SLC39A14: variants seen among roughly 807,000 people sequenced by gnomAD.
SLC39A14 encodes metal cation symporter ZIP14.
Under a neutral mutation model 45.5 loss-of-function variants are expected in SLC39A14, and 19 were observed. That is an observed-to-expected ratio of 0.42 (90% CI 0.29 to 0.61). The LOEUF is 0.61. Among genes scored for constraint, SLC39A14 ranks in the 20% least tolerant of loss-of-function variants. The probability of loss-of-function intolerance (pLI) is 0.22; values close to 1 mark genes in which losing one functional copy is unlikely to be tolerated. For missense variants in SLC39A14, 447 were observed against 616.5 expected, an observed-to-expected ratio of 0.73 and a Z score of 2.91; for synonymous variants, 264 against 251.3, an observed-to-expected ratio of 1.05 and a Z score of -0.48.
Position 22,389,426 on chromosome 8 carries a change from G to A in SLC39A14, c.-15-15270G>A, listed in dbSNP as rs116889403. Among the ~76,000 whole-genome samples, 1,293 of 151,874 alleles carry A rather than the reference G, an allele frequency of 8.5e-3. 9 individuals are homozygous for A. Among genetic ancestry groups the A allele is most frequent in the Middle Eastern group, 0.027 (8 of 292 alleles). On this transcript the variant is annotated intron_variant, in intron 1 of 8. Transcript: ENST00000381237. ...GAGCGGGCTTGAGGGCTAGGAGATCGCGCAGGGGGAGGTAGTGGTACAGGA... is the reference window on the plus strand; with the variant it reads ...GAGCGGGCTTGAGGGCTAGGAGATCACGCAGGGGGAGGTAGTGGTACAGGA...
chr8:22,380,277 A>G (rs1462607559), intron 1 of SLC39A14, among the ~76,000 whole-genome samples: 1 of 152,160 alleles, frequency 6.6e-6, no homozygotes, highest in Non-Finnish European at 1.5e-5. Context: ...GTCCTGTAGG[A>G]TGGGCAGGGG....
chr8:22,395,103 G>A (rs536122049), intron 1 of SLC39A14, among the ~76,000 whole-genome samples: 2 of 151,620 alleles, frequency 1.3e-5, no homozygotes, highest in South Asian at 2.1e-4. Context: ...TTCGCCTCCC[G>A]GGTTCAAGCA....
intron 4 of SLC39A14, 121 bp downstream of exon 4, chr8:22,412,327 A>G (rs942282530): frequency 1.1e-4 from 119 of 1,075,640 alleles, no homozygotes; most frequent in Middle Eastern, 6.2e-4. Flanking sequence ...AAGCGAAGCT[A>G]GAACTTAGGC....
intron 1 of SLC39A14, chr8:22,390,243 T>C (rs1224408707): frequency 6.5e-6 from 1 of 153,050 alleles, no homozygotes; most frequent in Non-Finnish European, 1.5e-5. Context: ...TATCACCTTA[T>C]AGATTCCCTT....
chr8:22,375,948 G>T (rs1390791932), intron 1 of SLC39A14, among the ~76,000 whole-genome samples: 3 of 152,142 alleles, frequency 2.0e-5, no homozygotes, highest in Non-Finnish European at 4.4e-5. Flanking sequence ...ATCAACATTG[G>T]CATAACACTG....
At chr8:22,428,827 T>A (rs971343333) in intron 8 of SLC39A14, among the ~76,000 whole-genome samples, 1 of 152,200 alleles carries the variant, frequency 6.6e-6, no homozygotes, top group Admixed American at 6.5e-5. Flanking sequence ...TTTTGTTTTT[T>A]CACTGAAAAA....
intron 8 of SLC39A14, among the ~76,000 whole-genome samples, chr8:22,432,238 T>G (rs1836477124): frequency 6.6e-6 from 1 of 151,960 alleles, no homozygotes; most frequent in Non-Finnish European, 1.5e-5. Flanking sequence ...AGGCTGAGGT[T>G]AGAGGATCAC....
At position 22,421,545 on chromosome 8, in the gene SLC39A14, A is replaced by G; in HGVS notation, c.*1847A>G. ...AAGAACCAATTCCTTGAATGTTGGA[A>G]TCTAACTTTTTATATTGTCATTATT... On this transcript the variant is annotated 3_prime_UTR_variant, in exon 9 of 9. Coordinates refer to ENST00000381237, the MANE Select transcript of SLC39A14 (RefSeq NM_001128431.4). 4.1e-6 allele frequency: 4 copies of G among 985,562 alleles called. No homozygotes were observed. The highest frequency in any genetic ancestry group is 4.8e-6 in the Non-Finnish European group (4 of 829,648). The allele number at this position is 985,562 out of a possible 1,614,324, so 61.1% of individuals were successfully genotyped here.
rs1055125831 is a variant in SLC39A14, at chr8:22,413,706, G to A, written c.628-1074G>A. Reference sequence around the variant, plus strand: ...CCATCAGAAAATGGAGGAACAACCCGGTAAATATATATACTTCCTATGTAC... The same window carrying A: ...CCATCAGAAAATGGAGGAACAACCCAGTAAATATATATACTTCCTATGTAC... On this transcript the variant is annotated intron_variant, in intron 4 of 8. Transcript: ENST00000381237. Among the ~76,000 whole-genome samples, 7 of 152,024 alleles carry A rather than the reference G, an allele frequency of 4.6e-5. No individual in the cohort carries two copies. The East Asian group carries it at 5.8e-4, about 13-fold the overall frequency.
In SLC39A14 at chr8:22,420,906, A is replaced by T; in HGVS notation, c.*1208A>T. 1.0e-6 allele frequency: 1 copy of T among 985,778 alleles called. No individual in the cohort carries two copies. The highest frequency in any genetic ancestry group is 1.2e-6 in the Non-Finnish European group (1 of 829,940). The allele number at this position is 985,778 out of a possible 1,614,324, so 61.1% of individuals were successfully genotyped here. On this transcript the variant is annotated 3_prime_UTR_variant, in exon 9 of 9. Coordinates refer to ENST00000381237, the MANE Select transcript of SLC39A14 (RefSeq NM_001128431.4). ...TAGGTTACTGCTTCCTTGCAAAAAAAGTCGAATCCTGCATTGAATTGAATA... is the reference window on the plus strand; with the variant it reads ...TAGGTTACTGCTTCCTTGCAAAAAATGTCGAATCCTGCATTGAATTGAATA...
At chr8:22,400,620 C>T (rs570458519) in intron 1 of SLC39A14, among the ~76,000 whole-genome samples, 1 of 152,252 alleles carries the variant, frequency 6.6e-6, no homozygotes, top group African/African-American at 2.4e-5. Flanking sequence ...TTTTACAAAC[C>T]GTCGTTGTGG....
chr8:22,379,100 C>T (rs996481097), intron 1 of SLC39A14, among the ~76,000 whole-genome samples: 4 of 152,218 alleles, frequency 2.6e-5, no homozygotes, highest in African/African-American at 7.2e-5. Context: ...GGCTGCACCA[C>T]TCCCATCTCT....
chr8:22,416,803 C>T (rs192436561), intron 7 of SLC39A14, among the ~76,000 whole-genome samples: 37 of 152,146 alleles, frequency 2.4e-4, no homozygotes, highest in African/African-American at 8.9e-4. Context: ...GTGTTTGTTT[C>T]CTTTTAGCCC....
chr8:22,411,860 C>T (rs925043936), intron 3 of SLC39A14, 177 bp from the exon 4 acceptor site: 3 of 580,522 alleles, frequency 5.2e-6, no homozygotes, highest in African/African-American at 3.7e-5. Context: ...TTCTCTCTCC[C>T]TCCCTACTTG....
At chr8:22,410,867 A>C (rs923816321) in intron 3 of SLC39A14, among the ~76,000 whole-genome samples, 2 of 152,164 alleles carry the variant, frequency 1.3e-5, no homozygotes, top group African/African-American at 4.8e-5. Flanking sequence ...GCTGCTGTGG[A>C]GGGTGAGGAT....
At chr8:22,433,460 G>T (rs1424994618) in intron 8 of SLC39A14, among the ~76,000 whole-genome samples, 2 of 151,386 alleles carry the variant, frequency 1.3e-5, no homozygotes, top group African/African-American at 4.9e-5. Flanking sequence ...GGGCTCAATA[G>T]ATCCTCCTGC....
chr8:22,391,139 G>C (rs372880941), intron 1 of SLC39A14, among the ~76,000 whole-genome samples: 45 of 152,258 alleles, frequency 3.0e-4, no homozygotes, highest in African/African-American at 1.0e-3. Flanking sequence ...GAGCCTCTAG[G>C]CCATTTAATA....
At chr8:22,368,768 C>T (rs1832782547) in intron 1 of SLC39A14, among the ~76,000 whole-genome samples, 1 of 152,046 alleles carries the variant, frequency 6.6e-6, no homozygotes, top group African/African-American at 2.4e-5. Flanking sequence ...GATCTCCTGA[C>T]CTCGTGATCC....
intron 1 of SLC39A14, among the ~76,000 whole-genome samples, chr8:22,390,882 A>C (rs1302545814): frequency 6.6e-6 from 1 of 151,880 alleles, no homozygotes; most frequent in Non-Finnish European, 1.5e-5. Flanking sequence ...AACCAGTCTT[A>C]AGTGTGTAAC....
Sources: gnomAD v4.1 joint callset for allele counts (sites outside exome capture counted in the v4.1 genomes callset) on GRCh38, gnomAD v4.1.1 for gene constraint, MANE v1.5 for transcripts, NCBI Gene and HGNC (gene_info 2026-07-23, HGNC 2026-07-21) for gene names.